Variants in XIRP2 observed in about 807,000 individuals in gnomAD.
XIRP2 encodes the protein xin actin binding repeat containing 2, also known as xin actin-binding repeat-containing protein 2.
A neutral mutation model predicts 277.0 loss-of-function variants in XIRP2; 236 were observed. The ratio of observed to expected loss-of-function variants is 0.85; its 90% CI spans 0.77 to 0.95. The LOEUF (loss-of-function observed/expected upper bound fraction) is 0.95, where lower values mean the gene tolerates loss of function less well. Ranked by LOEUF, XIRP2 falls within the 40% of genes least tolerant of loss-of-function variation. XIRP2 has a pLI of 0.00. For synonymous variants in XIRP2, 1,490 were observed against 1,416.5 expected (o/e 1.05, Z -1.17); for missense variants, 4,640 against 4,157.5 (o/e 1.12, Z -3.19).
intron 2 of XIRP2, among the ~76,000 whole-genome samples, chr2:167,121,357 G>A (rs1574272884): frequency 6.6e-6 from 1 of 151,952 alleles, no homozygotes; most frequent in East Asian, 1.9e-4. Flanking sequence ...CCACTCTAGA[G>A]GATATCATTG....
At position 167,246,766 on chromosome 2, in the gene XIRP2, C is replaced by G. The variant is rs1439568869; in HGVS notation, c.5374C>G (p.Leu1792Val). ...GGDVEGTKLLLKKRQSLVERT... is the reference protein window; with the variant it reads ...GGDVEGTKLLVKKRQSLVERT... ...TGATGTTGAAGGTACAAAACTGTTA[C>G]TGAAGAAAAGGCAGTCTCTGGTTGA... The change falls in exon 9 of 11, where the codon CTG becomes GTG. Residue 1792 changes from leucine (L) to valine (V), a missense_variant. Coordinates refer to ENST00000409195, the MANE Select transcript of XIRP2 (RefSeq NM_152381.6). 2 of 1,613,800 alleles carry G rather than the reference C, an allele frequency of 1.2e-6. No homozygotes were observed. Among genetic ancestry groups the G allele is most frequent in the Admixed American group, 1.7e-5 (1 of 59,998 alleles).
At chr2:167,169,398 T>A (rs1692619605) in intron 3 of XIRP2, among the ~76,000 whole-genome samples, 1 of 152,200 alleles carries the variant, frequency 6.6e-6, no homozygotes, top group Admixed American at 6.5e-5. Flanking sequence ...CTCCAATAAC[T>A]CCTCAAGTAC....
chr2:166,925,291 T>G (rs1685150687), intron 2 of XIRP2, among the ~76,000 whole-genome samples: 1 of 151,902 alleles, frequency 6.6e-6, no homozygotes, highest in Admixed American at 6.6e-5. Context: ...CATTTCACAT[T>G]ATCAGATCAT....
At chr2:167,097,854 T>C (rs562851898) in intron 2 of XIRP2, among the ~76,000 whole-genome samples, 15 of 152,354 alleles carry the variant, frequency 9.8e-5, no homozygotes, top group African/African-American at 3.6e-4. Context: ...ATTATTTTCT[T>C]TAATAATGTT....
At chr2:167,201,320 C>CGAAG (rs145180470) in intron 3 of XIRP2, among the ~76,000 whole-genome samples, 14,703 of 90,980 alleles carry the variant, frequency 0.16, 1,594 homozygotes, top group East Asian at 0.51. Context: ...AAGGAAAGAA[C>CGAAG]GAAGGAAGGA....
At chr2:166,979,596 A>G (rs1337137048) in intron 2 of XIRP2, among the ~76,000 whole-genome samples, 1 of 152,026 alleles carries the variant, frequency 6.6e-6, no homozygotes, top group African/African-American at 2.4e-5. Context: ...TTTTACCATG[A>G]ATAGTATTAA....
chr2:167,134,304 T>G lies in XIRP2; in HGVS notation c.409-1605T>G, dbSNP rs572496697. 3.3e-5 allele frequency among the ~76,000 whole-genome samples: 5 copies of G among 151,654 alleles called. No individual in the cohort carries two copies. In the East Asian group the frequency reaches 9.7e-4, roughly 29 times the overall value. ...CATGTGATATATGTATATATATATT[T>G]ACGTGTGTGTATATATCTTCATATA... On this transcript the variant is annotated intron_variant, in intron 2 of 10. Coordinates refer to ENST00000409195, the MANE Select transcript of XIRP2 (RefSeq NM_152381.6).
chr2:166,923,308 T>C (rs1685104688), intron 2 of XIRP2, among the ~76,000 whole-genome samples: 1 of 152,122 alleles, frequency 6.6e-6, no homozygotes, highest in East Asian at 1.9e-4. Context: ...GGTATATTGC[T>C]CAAAAGAGCC....
intron 3 of XIRP2, among the ~76,000 whole-genome samples, chr2:167,184,334 T>C (rs1159634659): frequency 6.6e-6 from 1 of 152,190 alleles, no homozygotes; most frequent in Non-Finnish European, 1.5e-5. Context: ...TACTTGTTTG[T>C]TAAGTAGCAT....
chr2:167,009,426 G>T (rs1166869063), intron 2 of XIRP2, among the ~76,000 whole-genome samples: 4 of 151,848 alleles, frequency 2.6e-5, no homozygotes, highest in Non-Finnish European at 4.4e-5. Context: ...AGTATTCCAT[G>T]GTGTATATGT....
chr2:167,236,906 A>T (rs910639620), intron 5 of XIRP2, among the ~76,000 whole-genome samples: 1 of 152,140 alleles, frequency 6.6e-6, no homozygotes, highest in Non-Finnish European at 1.5e-5. Flanking sequence ...TATAGACACC[A>T]ACAATTAGAA....
At position 167,251,754 on chromosome 2, in the gene XIRP2, C is replaced by A; in HGVS notation, c.10362C>A (p.Ala3454=). The A allele has an allele frequency of 6.2e-7, 1 of 1,613,288 alleles. No homozygotes were observed. Residue 3454 remains alanine (A), a synonymous_variant, in exon 9 of 11, where the codon GCC becomes GCA. Coordinates refer to ENST00000409195, the MANE Select transcript of XIRP2 (RefSeq NM_152381.6). ...AATCTGGCTGTGACTTCAAGCATGC[C>A]CCACCAACCTATGAGGATGTCATTG... ...AGKSGCDFKH[A]PPTYEDVIAG...
At chr2:167,062,680 C>G (rs1360674449) in intron 2 of XIRP2, among the ~76,000 whole-genome samples, 1 of 152,224 alleles carries the variant, frequency 6.6e-6, no homozygotes, top group East Asian at 1.9e-4. Context: ...ACTACGATGT[C>G]TATACCTTTA....
At position 167,250,254 on chromosome 2, in the gene XIRP2, G is replaced by T; in HGVS notation, c.8862G>T (p.Leu2954=). ...IVEFLRKREE[L]QQILSRVKQF... is the part of the protein sequence containing the mutation. ...AATTCTTGAGAAAACGTGAAGAACT[G>T]CAACAGATTTTGTCGAGAGTGAAAC... The change falls in exon 9 of 11, where the codon CTG becomes CTT. Residue 2954 remains leucine (L), a synonymous_variant. Transcript: ENST00000409195. 1 of 1,613,254 alleles carries T rather than the reference G, an allele frequency of 6.2e-7. No individual in the cohort carries two copies. The highest frequency in any genetic ancestry group is 1.1e-5 in the South Asian group (1 of 90,914).
chr2:167,136,793 T>C (rs1034905289), intron 3 of XIRP2, among the ~76,000 whole-genome samples: 1 of 152,226 alleles, frequency 6.6e-6, no homozygotes, highest in Non-Finnish European at 1.5e-5. Context: ...AGATCATAAT[T>C]AGTACAAATT....
At chr2:166,958,569 C>A (rs1330973718) in intron 2 of XIRP2, among the ~76,000 whole-genome samples, 1 of 151,678 alleles carries the variant, frequency 6.6e-6, no homozygotes, top group African/African-American at 2.4e-5. Context: ...TTATTTTCTG[C>A]TTTAGTTTCT....
At chr2:166,971,681 G>C (rs758322489) in intron 2 of XIRP2, among the ~76,000 whole-genome samples, 6 of 152,082 alleles carry the variant, frequency 3.9e-5, no homozygotes, top group Non-Finnish European at 7.4e-5. Flanking sequence ...TACAAAATCA[G>C]ACATTGATCT....
chr2:167,108,819 G>A (rs1690674607), intron 2 of XIRP2, among the ~76,000 whole-genome samples: 1 of 151,190 alleles, frequency 6.6e-6, no homozygotes, highest in Non-Finnish European at 1.5e-5. Flanking sequence ...TGTTTCTTGG[G>A]AGGGTTTTGT....
chr2:167,011,712 T>A (rs988812939), intron 2 of XIRP2, among the ~76,000 whole-genome samples: 28 of 151,642 alleles, frequency 1.8e-4, no homozygotes, highest in Admixed American at 8.6e-4. Context: ...TGGACTCTTT[T>A]TGGTTGGTAA....
Sources: gnomAD v4.1 joint callset for allele counts (sites outside exome capture counted in the v4.1 genomes callset) on GRCh38, gnomAD v4.1.1 for gene constraint, MANE v1.5 for transcripts, NCBI Gene and HGNC (gene_info 2026-07-23, HGNC 2026-07-21) for gene names.